The following ADAMTS16 variants were observed in gnomAD, a reference collection of about 807,000 sequenced individuals.
The protein encoded by ADAMTS16 is A disintegrin and metalloproteinase with thrombospondin motifs 16.
Under a neutral mutation model 145.8 loss-of-function variants are expected in ADAMTS16, and 94 were observed. The observed-to-expected ratio is 0.64, with a 90% CI of 0.55 to 0.77. The LOEUF is 0.77. Ranked by LOEUF, ADAMTS16 falls within the 30% of genes least tolerant of loss-of-function variation. ADAMTS16 has a pLI of 0.00. For synonymous variants in ADAMTS16, 659 were observed against 604.3 expected (o/e 1.09, Z -1.33); for missense variants, 1,585 against 1,591.5 (o/e 1.00, Z 0.07).
chr5:5,317,135 G>A lies in ADAMTS16; in HGVS notation c.3412-999G>A, dbSNP rs978302491. Among the ~76,000 whole-genome samples the A allele has an allele frequency of 1.3e-5, 2 of 152,188 alleles. No individual in the cohort carries two copies. Among genetic ancestry groups the A allele is most frequent in the African/African-American group, 4.8e-5 (2 of 41,442 alleles). On this transcript the variant is annotated intron_variant, in intron 21 of 22. Coordinates refer to ENST00000274181, the MANE Select transcript of ADAMTS16 (RefSeq NM_139056.4). This position sits in a 1 kb window ranked among gnomAD's most constrained non-coding sequence, Gnocchi z 4.5. ...ACCAGCAGTGACAAGGGCTGGTCCT[G>A]GGGACAAGAGTTAGGGAAGTAAGTA...
At chr5:5,257,344 TC>T (rs1181243003) in intron 17 of ADAMTS16, among the ~76,000 whole-genome samples, 3 of 152,168 alleles carry the variant, frequency 2.0e-5, no homozygotes, top group African/African-American at 7.2e-5. Flanking sequence ...GACAAACTAA[TC>T]CATGCATGCT....
intron 10 of ADAMTS16, among the ~76,000 whole-genome samples, chr5:5,215,278 C>T (rs1160474770): frequency 6.6e-6 from 1 of 152,146 alleles, no homozygotes; most frequent in Non-Finnish European, 1.5e-5. Context: ...ATAAAAGCAT[C>T]TCACTGCTTG....
At chr5:5,273,142 G>A (rs1472800838) in intron 18 of ADAMTS16, among the ~76,000 whole-genome samples, 2 of 152,118 alleles carry the variant, frequency 1.3e-5, no homozygotes, top group Non-Finnish European at 2.9e-5. Flanking sequence ...TCGTCTTTGG[G>A]TACCTGTTTG....
intron 3 of ADAMTS16, among the ~76,000 whole-genome samples, chr5:5,153,660 G>C (rs774931302): frequency 6.6e-6 from 1 of 152,098 alleles, no homozygotes; most frequent in Non-Finnish European, 1.5e-5. Flanking sequence ...AGTGAGGGTT[G>C]TTTAAAAATG....
chr5:5,249,788 T>C (rs2126406360), intron 17 of ADAMTS16, among the ~76,000 whole-genome samples: 1 of 152,242 alleles, frequency 6.6e-6, no homozygotes, highest in South Asian at 2.1e-4. Flanking sequence ...GGTACCCGAG[T>C]TCTTGTCCAG....
At chr5:5,144,921 A>T (rs1042543725) in intron 2 of ADAMTS16, among the ~76,000 whole-genome samples, 1 of 152,174 alleles carries the variant, frequency 6.6e-6, no homozygotes, top group Non-Finnish European at 1.5e-5. Flanking sequence ...AACTGTGGAA[A>T]GAGTGGGAAG....
intron 17 of ADAMTS16, among the ~76,000 whole-genome samples, chr5:5,259,060 C>T (rs567773515): frequency 6.6e-6 from 1 of 152,200 alleles, no homozygotes; most frequent in East Asian, 1.9e-4. Flanking sequence ...TACCCGTGTC[C>T]ATGCTGGGTG....
chr5:5,170,685 C>G (rs868367374), intron 3 of ADAMTS16, among the ~76,000 whole-genome samples: 2 of 151,776 alleles, frequency 1.3e-5, no homozygotes, highest in East Asian at 1.9e-4. Context: ...GCTCTTTTGC[C>G]CATTGCTAAA....
chr5:5,315,261 C>T (rs1302905975), intron 21 of ADAMTS16, among the ~76,000 whole-genome samples: 1 of 152,196 alleles, frequency 6.6e-6, no homozygotes, highest in Admixed American at 6.5e-5. Flanking sequence ...GATTCAGTTA[C>T]TGCCCTCCTG....
In ADAMTS16 at chr5:5,239,217, A is replaced by G. The variant is rs767117561; in HGVS notation, c.2221A>G (p.Asn741Asp). Reference protein sequence around the residue: ...VEDVCGVCNGNNSACTIHRGL... With the variant: ...VEDVCGVCNGDNSACTIHRGL... ...AGACGTCTGTGGGGTGTGTAACGGG[A>G]ATAACTCAGCCTGCACGATTCACAG... Residue 741 changes from asparagine to aspartate, a missense_variant, in exon 15 of 23, where the codon AAT becomes GAT. By Grantham distance (23) the Asn-to-Asp change is conservative. Around this residue, in one of 3 missense-constraint regions of ADAMTS16, gnomAD observed 834 missense variants for 811.7 expected, o/e 1.03. Transcript: ENST00000274181. 1 of 1,603,650 alleles carries G rather than the reference A, an allele frequency of 6.2e-7. No individual in the cohort carries two copies. Among genetic ancestry groups the G allele is most frequent in the East Asian group, 2.3e-5 (1 of 44,320 alleles).
At chr5:5,156,478 T>C (rs1246924119) in intron 3 of ADAMTS16, among the ~76,000 whole-genome samples, 5 of 152,184 alleles carry the variant, frequency 3.3e-5, no homozygotes, top group African/African-American at 4.8e-5. Flanking sequence ...GTAGGAATAT[T>C]CCAGCCTTAT....
chr5:5,225,496 G>A (rs144563535), intron 11 of ADAMTS16, among the ~76,000 whole-genome samples: 190 of 152,164 alleles, frequency 1.2e-3, no homozygotes, highest in African/African-American at 4.4e-3. Context: ...CCAGCTGCTC[G>A]GGAGGCTGAG....
intron 18 of ADAMTS16, among the ~76,000 whole-genome samples, chr5:5,298,704 A>T (rs959898631): frequency 6.6e-6 from 1 of 152,222 alleles, no homozygotes; most frequent in Non-Finnish European, 1.5e-5. Context: ...CATTCAATTT[A>T]CTTACATTAT....
At chr5:5,211,422 G>C (rs1736269656) in intron 10 of ADAMTS16, among the ~76,000 whole-genome samples, 2 of 152,030 alleles carry the variant, frequency 1.3e-5, no homozygotes, top group African/African-American at 4.8e-5. Context: ...TCCTCATAAT[G>C]ATAATATGTA....
In ADAMTS16 at chr5:5,303,341, A is replaced by G; in HGVS notation, c.2863A>G (p.Thr955Ala). 6.2e-7 allele frequency: 1 copy of G among 1,605,220 alleles called. No homozygotes were observed. The highest frequency in any genetic ancestry group is 8.5e-7 in the Non-Finnish European group (1 of 1,176,662). The stretch of plus-strand genomic sequence containing the variant: ...TGCCCAGAGCCGCCCCGTGCAGTGC[A>G]CACGGCGGGTGCACTATGACTCGGA... ...GGAQSRPVQCTRRVHYDSEPV... is the reference protein window; with the variant it reads ...GGAQSRPVQCARRVHYDSEPV... Residue 955 changes from threonine to alanine, a missense_variant, in exon 19 of 23, where the codon ACA becomes GCA. This residue lies in a region of ADAMTS16 where 834 missense variants were observed against 811.7 expected (regional missense o/e 1.03). Coordinates refer to ENST00000274181, the MANE Select transcript of ADAMTS16 (RefSeq NM_139056.4).
chr5:5,217,618 A>C (rs970435320), intron 10 of ADAMTS16, among the ~76,000 whole-genome samples: 1 of 152,176 alleles, frequency 6.6e-6, no homozygotes, highest in Non-Finnish European at 1.5e-5. Flanking sequence ...AGCCATCTGA[A>C]AATGTTGGTT....
At chr5:5,204,530 C>G (rs1252524633) in intron 9 of ADAMTS16, among the ~76,000 whole-genome samples, 2 of 152,148 alleles carry the variant, frequency 1.3e-5, no homozygotes, top group Non-Finnish European at 2.9e-5. Flanking sequence ...GACATGGAAC[C>G]CTGTGTATTG....
At chr5:5,248,587 G>T (rs1737528955) in intron 17 of ADAMTS16, among the ~76,000 whole-genome samples, 2 of 152,210 alleles carry the variant, frequency 1.3e-5, no homozygotes, top group Non-Finnish European at 2.9e-5. Context: ...TTAAGTGATT[G>T]TAAGTACTGC....
At chr5:5,259,003 G>C (rs1473090432) in intron 17 of ADAMTS16, among the ~76,000 whole-genome samples, 3 of 152,144 alleles carry the variant, frequency 2.0e-5, no homozygotes, top group African/African-American at 7.2e-5. Context: ...GCCGTTGTGA[G>C]GCCTTGGCTA....
Sources: allele counts gnomAD v4.1 joint callset (sites outside exome capture counted in the v4.1 genomes callset), GRCh38; gene constraint gnomAD v4.1.1; regional missense constraint gnomAD v4.1.1; non-coding constraint Gnocchi (gnomAD v3.1); transcripts MANE v1.5; gene names NCBI Gene and HGNC (gene_info 2026-07-23, HGNC 2026-07-21).